RBMS3: variants seen among roughly 807,000 people sequenced by gnomAD.
The protein encoded by RBMS3 is RNA-binding motif, single-stranded-interacting protein 3.
Under a neutral mutation model 66.8 loss-of-function variants are expected in RBMS3, and 27 were observed. The ratio of observed to expected loss-of-function variants is 0.40; its 90% CI spans 0.30 to 0.56. The LOEUF (loss-of-function observed/expected upper bound fraction) is 0.56. Ranked by LOEUF, RBMS3 falls within the 20% of genes least tolerant of loss-of-function variation. RBMS3 has a pLI of 0.40. For missense variants in RBMS3, 513 were observed against 549.5 expected (o/e 0.93, Z 0.66); for synonymous variants, 188 against 183.0 (o/e 1.03, Z -0.22).
At chr3:29,849,170 A>ATGTGTGTGTG (rs10571760) in intron 6 of RBMS3, among the ~76,000 whole-genome samples, 4,172 of 141,706 alleles carry the variant, frequency 0.029, 77 homozygotes, top group African/African-American at 0.034. Context: ...CACCAAAGGA[A>ATGTGTGTGTG]TGTGTGTGTG....
At chr3:29,560,078 A>G (rs3773081) in intron 3 of RBMS3, among the ~76,000 whole-genome samples, 3,374 of 152,304 alleles carry the variant, frequency 0.022, 94 homozygotes, top group Admixed American at 0.09. Flanking sequence ...CATTATTTAA[A>G]TTTAACCAAG....
At chr3:29,536,540 A>G (rs1233038797) in intron 3 of RBMS3, among the ~76,000 whole-genome samples, 2 of 152,136 alleles carry the variant, frequency 1.3e-5, no homozygotes, top group Non-Finnish European at 1.5e-5. Context: ...CTACACCACA[A>G]TCTCTCTTCT....
chr3:29,457,398 A>C (rs546260336), intron 2 of RBMS3, among the ~76,000 whole-genome samples: 1 of 152,172 alleles, frequency 6.6e-6, no homozygotes, highest in Admixed American at 6.6e-5. Context: ...TCAACCATAT[A>C]ATTTTACCGG....
intron 4 of RBMS3, among the ~76,000 whole-genome samples, chr3:29,639,365 C>T (rs1469646422): frequency 2.6e-5 from 4 of 151,680 alleles, no homozygotes; most frequent in Non-Finnish European, 5.9e-5. Context: ...TCAAAATATC[C>T]AAGGGGAAAT....
intron 3 of RBMS3, among the ~76,000 whole-genome samples, chr3:29,577,919 G>C (rs891806314): frequency 6.6e-6 from 1 of 152,146 alleles, no homozygotes; most frequent in Non-Finnish European, 1.5e-5. Context: ...ATGCTTTTCT[G>C]TGTGCAGATA....
chr3:29,694,202 C>A (rs1259328908), intron 4 of RBMS3, among the ~76,000 whole-genome samples: 2 of 152,104 alleles, frequency 1.3e-5, no homozygotes, highest in African/African-American at 4.8e-5. Flanking sequence ...CATTAGTTGC[C>A]TCTGCTTCTG....
At chr3:29,295,071 A>G (rs1213229017) in intron 1 of RBMS3, among the ~76,000 whole-genome samples, 1 of 151,590 alleles carries the variant, frequency 6.6e-6, no homozygotes, top group Admixed American at 6.6e-5. Context: ...TGAAATTCTG[A>G]TGTAAACTTC....
At chr3:29,512,788 A>G (rs1576069828) in intron 3 of RBMS3, among the ~76,000 whole-genome samples, 1 of 152,226 alleles carries the variant, frequency 6.6e-6, no homozygotes, top group East Asian at 1.9e-4. Context: ...TACTGTGTGC[A>G]CTGGGCTTCC....
intron 4 of RBMS3, among the ~76,000 whole-genome samples, chr3:29,608,832 T>G (rs2048396945): frequency 6.6e-6 from 1 of 152,072 alleles, no homozygotes; most frequent in Non-Finnish European, 1.5e-5. Flanking sequence ...GGCATATTTT[T>G]GTGTGTAAAT....
chr3:29,905,985 G>T (rs2060366874), intron 10 of RBMS3, among the ~76,000 whole-genome samples: 1 of 151,958 alleles, frequency 6.6e-6, no homozygotes, highest in Non-Finnish European at 1.5e-5. Context: ...AGTTAAAAAT[G>T]TACTAAAATT....
intron 14 of RBMS3, among the ~76,000 whole-genome samples, chr3:30,000,352 C>T (rs1399363110): frequency 2.4e-4 from 36 of 152,124 alleles, no homozygotes; most frequent in Admixed American, 2.4e-3. Flanking sequence ...CCATTTCATG[C>T]CAGTTAGAAT....
At chr3:29,380,369 A>G (rs953525103) in intron 1 of RBMS3, among the ~76,000 whole-genome samples, 8 of 152,190 alleles carry the variant, frequency 5.3e-5, no homozygotes, top group Non-Finnish European at 1.2e-4. Flanking sequence ...ATTTTCTACT[A>G]TCTTTTATAT....
intron 1 of RBMS3, among the ~76,000 whole-genome samples, chr3:29,318,723 G>C (rs2034834335): frequency 6.6e-6 from 1 of 151,906 alleles, no homozygotes; most frequent in Non-Finnish European, 1.5e-5. Context: ...TGTGCCAACT[G>C]TGGGCCAGGT....
At chr3:29,948,276 A>G (rs1695451204) in intron 12 of RBMS3, among the ~76,000 whole-genome samples, 1 of 151,792 alleles carries the variant, frequency 6.6e-6, no homozygotes, top group African/African-American at 2.4e-5. Context: ...TCACTGTTAT[A>G]AACAGCATGC....
At chr3:29,435,280 AT>A (rs2041358560) in intron 2 of RBMS3, among the ~76,000 whole-genome samples, 2 of 152,196 alleles carry the variant, frequency 1.3e-5, no homozygotes, top group African/African-American at 2.4e-5. Flanking sequence ...AGTGAAAGGA[AT>A]CTCAAAAACT....
rs558643268 is a variant in RBMS3, at chr3:29,741,045, A to AAG, written c.557+1169_557+1170insGA. 1.5e-3 allele frequency among the ~76,000 whole-genome samples: 228 copies of AAG among 151,858 alleles called. 1 individual carries two copies. Among genetic ancestry groups the AAG allele is most frequent in the African/African-American group, 5.2e-3 (217 of 41,398 alleles). ...AACACAGCGAGACTCCATCTCAAAA[A>AAG]AAAAAAAAAAAGAAAAACCATTCCA... is the stretch of plus-strand genomic sequence containing the variant. On this transcript the variant is annotated intron_variant, in intron 5 of 14. Transcript: ENST00000383767.
At chr3:29,810,792 G>A (rs1293874711) in intron 6 of RBMS3, among the ~76,000 whole-genome samples, 1 of 151,976 alleles carries the variant, frequency 6.6e-6, no homozygotes, top group African/African-American at 2.4e-5. Context: ...CAAGTAACAG[G>A]TTCATGATAT....
chr3:29,310,649 A>G (rs1245124089), intron 1 of RBMS3, among the ~76,000 whole-genome samples: 3 of 151,724 alleles, frequency 2.0e-5, no homozygotes, highest in Admixed American at 6.6e-5. Context: ...CCTGATGAAC[A>G]TAAAACCAAA....
At chr3:29,513,361 A>G (rs1159152608) in intron 3 of RBMS3, among the ~76,000 whole-genome samples, 1 of 152,194 alleles carries the variant, frequency 6.6e-6, no homozygotes, top group Non-Finnish European at 1.5e-5. Context: ...CCTGAGAACC[A>G]AAGGAAATGA....
Sources: allele counts gnomAD v4.1 joint callset (sites outside exome capture counted in the v4.1 genomes callset), GRCh38; gene constraint gnomAD v4.1.1; transcripts MANE v1.5; gene names NCBI Gene and HGNC (gene_info 2026-07-23, HGNC 2026-07-21).